The following RNF150 variants were observed in gnomAD, a reference collection of about 807,000 sequenced individuals.
The protein encoded by RNF150 is ring finger protein 150.
Under a neutral mutation model 39.3 loss-of-function variants are expected in RNF150, and 24 were observed. The ratio of observed to expected loss-of-function variants is 0.61; its 90% confidence interval spans 0.44 to 0.86. The LOEUF is 0.86. Among genes scored for constraint, RNF150 ranks in the 40% least tolerant of loss-of-function variants. The pLI, the probability that RNF150 is intolerant of heterozygous loss-of-function variation, is 0.00. For missense variants in RNF150, 502 were observed against 587.8 expected (o/e 0.85, Z 1.51); for synonymous variants, 255 against 227.3 (o/e 1.12, Z -1.10).
At chr4:141,142,888 T>TA (rs981716494) in intron 1 of RNF150, among the ~76,000 whole-genome samples, 3 of 151,720 alleles carry the variant, frequency 2.0e-5, no homozygotes, top group Non-Finnish European at 4.4e-5. Flanking sequence ...TTTTTTTTTT[T>TA]AGATAGAGTC....
rs1560678814 is a variant in RNF150, at chr4:140,999,998, AG to A, written c.485-32126del. Among the ~76,000 whole-genome samples the A allele has an allele frequency of 7.5e-4, 28 of 37,274 alleles. 3 individuals are homozygous for A. Among genetic ancestry groups the A allele is most frequent in the African/African-American group, 1.3e-3 (15 of 11,750 alleles). 24.5% of individuals were successfully genotyped at this position (37,274 alleles called of 152,430 possible). A position where few individuals can be genotyped will look rare whatever the true frequency, so the allele number is the denominator to read the frequency against. ...AAGAAAAGAAGAAAAGAAGAAAAGA[AG>A]AAGAAGAAGAAGAAGAAGAAGAAGA... On this transcript the variant is annotated intron_variant, in intron 1 of 6. Transcript: ENST00000515673.
intron 6 of RNF150, among the ~76,000 whole-genome samples, chr4:140,899,145 T>C (rs967269414): frequency 2.6e-5 from 4 of 152,130 alleles, no homozygotes; most frequent in African/African-American, 9.7e-5. Flanking sequence ...CTTAGCACTG[T>C]GTGTGAAAGA....
intron 2 of RNF150, among the ~76,000 whole-genome samples, chr4:140,966,477 T>TTCATTATACG: frequency 1.3e-5 from 2 of 152,064 alleles, no homozygotes; most frequent in Non-Finnish European, 2.9e-5. Flanking sequence ...AGGGTTAATT[T>TTCATTATACG]CCTTGACTAA....
chr4:140,974,866 T>A (rs1197098548), intron 1 of RNF150, among the ~76,000 whole-genome samples: 2 of 152,172 alleles, frequency 1.3e-5, no homozygotes, highest in African/African-American at 4.8e-5. Flanking sequence ...CGACCCTTCA[T>A]CAACACAGGC....
At chr4:141,211,599 A>G (rs1473382530) in intron 1 of RNF150, among the ~76,000 whole-genome samples, 1 of 151,982 alleles carries the variant, frequency 6.6e-6, no homozygotes, top group Non-Finnish European at 1.5e-5. Flanking sequence ...TTATTTATAC[A>G]TTGTTTTTCC....
At chr4:140,935,046 AATATATATAT>A (rs1731801100) in intron 4 of RNF150, among the ~76,000 whole-genome samples, 1 of 93,688 alleles carries the variant, frequency 1.1e-5, no homozygotes, top group Non-Finnish European at 2.0e-5. Flanking sequence ...TATATATATA[AATATATATAT>A]TATATATATA....
chr4:141,205,137 A>T (rs1728353788), intron 1 of RNF150, among the ~76,000 whole-genome samples: 1 of 152,224 alleles, frequency 6.6e-6, no homozygotes, highest in Admixed American at 6.5e-5. Context: ...AACTAGAATT[A>T]AAATTCACTG....
chr4:140,909,974 C>A (rs1270332690), intron 6 of RNF150, among the ~76,000 whole-genome samples: 1 of 152,122 alleles, frequency 6.6e-6, no homozygotes, highest in Non-Finnish European at 1.5e-5. Context: ...ATCATCTCAA[C>A]TATATAATAA....
rs1241698682 is a variant in RNF150 at position 140,952,862 on chromosome 4, TTC to T, written c.736-3492_736-3491del. Among the ~76,000 whole-genome samples, 4 of 152,168 alleles carry T rather than the reference TTC, an allele frequency of 2.6e-5. No homozygotes were observed. The South Asian group carries it at 6.2e-4, about 24-fold the overall frequency. ...CGTATGGCTTAATGACAGGGATACATTCTGAGAAATCCATTGTTAGGCGATTT... is the reference window on the plus strand; with the variant it reads ...CGTATGGCTTAATGACAGGGATACATTGAGAAATCCATTGTTAGGCGATTT... On this transcript the variant is annotated intron_variant, in intron 2 of 6. Coordinates refer to ENST00000515673, the MANE Select transcript of RNF150 (RefSeq NM_020724.2).
At chr4:140,984,310 G>C (rs1475302657) in intron 1 of RNF150, among the ~76,000 whole-genome samples, 1 of 152,096 alleles carries the variant, frequency 6.6e-6, no homozygotes, top group Non-Finnish European at 1.5e-5. Context: ...CCTTTGGCTT[G>C]ATACATAAAT....
At chr4:141,196,400 TG>T (rs1195362580) in intron 1 of RNF150, among the ~76,000 whole-genome samples, 1 of 152,156 alleles carries the variant, frequency 6.6e-6, no homozygotes, top group African/African-American at 2.4e-5. Flanking sequence ...AGAGGGATGA[TG>T]CAAATACCAA....
At chr4:141,197,450 T>C (rs902239585) in intron 1 of RNF150, among the ~76,000 whole-genome samples, 12 of 152,210 alleles carry the variant, frequency 7.9e-5, no homozygotes, top group Non-Finnish European at 1.5e-4. Flanking sequence ...ATTTGTAACT[T>C]ATTGTATTTT....
intron 1 of RNF150, among the ~76,000 whole-genome samples, chr4:141,203,575 C>A (rs1728323811): frequency 6.6e-6 from 1 of 151,910 alleles, no homozygotes; most frequent in Non-Finnish European, 1.5e-5. Context: ...CTAGATACCC[C>A]AAAGGCACCA....
At chr4:141,053,534 T>G (rs1266517177) in intron 1 of RNF150, 1 of 449,558 alleles carries the variant, frequency 2.2e-6, no homozygotes, top group Non-Finnish European at 3.7e-6. Flanking sequence ...TAGGCAGGGC[T>G]CAAAAGAAGA....
At chr4:140,968,414 C>G (rs1361791596) in intron 1 of RNF150, among the ~76,000 whole-genome samples, 1 of 151,666 alleles carries the variant, frequency 6.6e-6, no homozygotes, top group Non-Finnish European at 1.5e-5. Flanking sequence ...CTCAAGCAAC[C>G]AAAAAAGAAC....
chr4:141,139,206 G>A (rs1457337644), intron 1 of RNF150, among the ~76,000 whole-genome samples: 1 of 152,164 alleles, frequency 6.6e-6, no homozygotes, highest in Non-Finnish European at 1.5e-5. Context: ...ATGATACAGC[G>A]AGACCCTGTC....
chr4:140,925,406 C>T (rs575387716), intron 5 of RNF150, among the ~76,000 whole-genome samples: 1 of 152,266 alleles, frequency 6.6e-6, no homozygotes, highest in East Asian at 1.9e-4. Flanking sequence ...CTGGGGGAAC[C>T]CGTTAAATTG....
intron 1 of RNF150, among the ~76,000 whole-genome samples, chr4:141,027,349 A>G (rs1464005906): frequency 6.6e-6 from 1 of 152,190 alleles, no homozygotes; most frequent in Non-Finnish European, 1.5e-5. Context: ...AATGACTTTT[A>G]TTTGAAAAAA....
At chr4:141,171,009 A>G (rs1202788662) in intron 1 of RNF150, among the ~76,000 whole-genome samples, 4 of 152,158 alleles carry the variant, frequency 2.6e-5, no homozygotes, top group Non-Finnish European at 5.9e-5. Flanking sequence ...AATACGAGAT[A>G]ATCTTTCTCC....
Sources: allele counts gnomAD v4.1 joint callset (sites outside exome capture counted in the v4.1 genomes callset), GRCh38; gene constraint gnomAD v4.1.1; transcripts MANE v1.5; gene names NCBI Gene and HGNC (gene_info 2026-07-23, HGNC 2026-07-21).